The following CAPN13 variants were observed in gnomAD, a reference collection of about 807,000 sequenced individuals.
CAPN13 encodes calpain 13, also known as calpain-13.
A neutral mutation model predicts 98.4 loss-of-function variants in CAPN13; 90 were observed. The ratio of observed to expected loss-of-function variants is 0.92; its 90% confidence interval spans 0.77 to 1.09. CAPN13 has a LOEUF of 1.09. CAPN13 is among the 50% of genes least tolerant of loss of function. CAPN13 has a pLI of 0.00. For missense variants in CAPN13, 887 were observed against 841.3 expected, an observed-to-expected ratio of 1.05 and a Z score of -0.67; for synonymous variants, 330 against 305.5, an observed-to-expected ratio of 1.08 and a Z score of -0.84.
At chr2:30,734,019 A>T (rs1036358280) in intron 19 of CAPN13, among the ~76,000 whole-genome samples, 1 of 152,228 alleles carries the variant, frequency 6.6e-6, no homozygotes, top group Non-Finnish European at 1.5e-5. Flanking sequence ...TACTTGAAGC[A>T]GACAGATGCC....
chr2:30,756,098 G>A (rs142056040), intron 8 of CAPN13, among the ~76,000 whole-genome samples: 1 of 151,932 alleles, frequency 6.6e-6, no homozygotes, highest in Non-Finnish European at 1.5e-5. Context: ...AACAGAACAG[G>A]TTCTGCTAGA....
chr2:30,757,571 C>T (rs558146709), intron 8 of CAPN13, among the ~76,000 whole-genome samples: 26 of 152,310 alleles, frequency 1.7e-4, no homozygotes, highest in African/African-American at 6.3e-4. Flanking sequence ...TCCCCAACTG[C>T]CCCCAGTTAG....
chr2:30,805,050 T>G (rs532444497), intron 1 of CAPN13, among the ~76,000 whole-genome samples: 3 of 152,336 alleles, frequency 2.0e-5, no homozygotes, highest in African/African-American at 7.2e-5. Flanking sequence ...GTGGCTCTTC[T>G]GACCACTTCT....
chr2:30,772,822 C>CTT (rs34192316), intron 4 of CAPN13, among the ~76,000 whole-genome samples: 106 of 137,662 alleles, frequency 7.7e-4, no homozygotes, highest in African/African-American at 2.7e-3. Context: ...GAGAGCATTT[C>CTT]TTTTTTTTTT....
chr2:30,751,200 T>A lies in CAPN13; in HGVS notation c.1139A>T (p.Glu380Val). 3.1e-6 allele frequency: 5 copies of A among 1,613,984 alleles called. No homozygotes were observed. The highest frequency in any genetic ancestry group is 3.4e-6 in the Non-Finnish European group (4 of 1,179,878). The change falls in exon 11 of 23, where the codon GAA (glutamate) becomes GTA (valine). Residue 380 changes from glutamate to valine, a missense_variant. Coordinates refer to ENST00000295055, the MANE Select transcript of CAPN13 (RefSeq NM_144575.3). ...GACGCACACGACAACATTGGTGCCT[T>A]CCATTGGCTCTTGCACAGAGAAGTT... ...QFNFSVQEPM[E>V]GTNVVVCVTV...
chr2:30,777,469 G>C, intron 3 of CAPN13, 98 bp downstream of exon 3: 1 of 1,058,366 alleles, frequency 9.4e-7, no homozygotes, highest in Non-Finnish European at 1.4e-6. Flanking sequence ...CAAGGGAACT[G>C]GCCTTTCTCC....
chr2:30,775,273 T>C lies in CAPN13; in HGVS notation c.387+657A>G, dbSNP rs189018462. Among the ~76,000 whole-genome samples, 8 of 152,220 alleles carry C rather than the reference T, an allele frequency of 5.3e-5. No homozygotes were observed. In the East Asian group the frequency reaches 1.5e-3, roughly 29 times the overall value. On this transcript the variant is annotated intron_variant, in intron 4 of 22. Coordinates refer to ENST00000295055, the MANE Select transcript of CAPN13 (RefSeq NM_144575.3). ...TTACATGAGCCACAAAATCATAAAA[T>C]GTTTGAGAATGAATTAATCAAGAAA...
chr2:30,734,500 T>G lies in CAPN13; in HGVS notation c.1747A>C (p.Ser583Arg). Reference sequence around the variant, plus strand: ...TCCGAGCTCAGGAGGACTCCAGGGCTTGTCTGAACCTTCTGGAAAACATGC... The same window carrying G: ...TCCGAGCTCAGGAGGACTCCAGGGCGTGTCTGAACCTTCTGGAAAACATGC... ...YQHVFQKVQTSPGVLLSSDLW... is the reference protein window; with the variant it reads ...YQHVFQKVQTRPGVLLSSDLW... The change falls in exon 19 of 23, where the codon AGC becomes CGC. Residue 583 changes from serine (S) to arginine (R), a missense_variant. By Grantham distance (110) the Ser-to-Arg change is moderately radical. Coordinates refer to ENST00000295055, the MANE Select transcript of CAPN13 (RefSeq NM_144575.3). 6.2e-7 allele frequency: 1 copy of G among 1,613,914 alleles called. No individual in the cohort carries two copies. Among genetic ancestry groups the G allele is most frequent in the Non-Finnish European group, 8.5e-7 (1 of 1,179,824 alleles).
intron 1 of CAPN13, among the ~76,000 whole-genome samples, chr2:30,803,779 T>C (rs1208569712): frequency 6.6e-6 from 1 of 152,198 alleles, no homozygotes; most frequent in African/African-American, 2.4e-5. Context: ...AGTTTGTCTC[T>C]GAGGCAACAC....
intron 7 of CAPN13, 65 bp from the exon 8 acceptor site, chr2:30,758,202 A>G: frequency 3.3e-6 from 4 of 1,228,514 alleles, no homozygotes; most frequent in Non-Finnish European, 3.4e-6. Flanking sequence ...AGGGGGATGA[A>G]TGCAGCTGCT....
rs1249868995 is a variant in CAPN13 at position 30,775,928 on chromosome 2, A to T, written c.387+2T>A. On this transcript the variant is annotated splice_donor_variant, in intron 4 of 22. Transcript: ENST00000295055. LOFTEE classifies it high-confidence loss of function. ...TAATGAGCGCTGCAAGGGCACACGT[A>T]CCCGGAAACGGAAAATGCCAGCATA... is the stretch of plus-strand genomic sequence containing the variant. The T allele has an allele frequency of 6.2e-7, 1 of 1,605,746 alleles. No homozygotes were observed. The highest frequency in any genetic ancestry group is 1.3e-5 in the African/African-American group (1 of 74,772).
chr2:30,773,045 C>T (rs886104247), intron 4 of CAPN13, among the ~76,000 whole-genome samples: 19 of 152,170 alleles, frequency 1.2e-4, no homozygotes, highest in Middle Eastern at 3.4e-3. Flanking sequence ...AGGATGGCTT[C>T]GATCTCCTGA....
chr2:30,771,014 C>G (rs985404512), intron 4 of CAPN13, among the ~76,000 whole-genome samples: 8 of 152,206 alleles, frequency 5.3e-5, no homozygotes, highest in Non-Finnish European at 1.2e-4. Context: ...GCAGTGACAG[C>G]CTCCCTCTGG....
chr2:30,751,255 C>T lies in CAPN13; in HGVS notation c.1088-4G>A. On this transcript the variant is annotated splice_polypyrimidine_tract_variant and splice_region_variant and intron_variant, in intron 10 of 22. Transcript: ENST00000295055. The stretch of plus-strand genomic sequence containing the variant: ...TGAGCATCATTCCGAGGTCCTCCTG[C>T]ATCAGAAAGAGCTGTTACTAGAGCT... 3 of 1,613,670 alleles carry T rather than the reference C, an allele frequency of 1.9e-6. No homozygotes were observed. The highest frequency in any genetic ancestry group is 2.5e-6 in the Non-Finnish European group (3 of 1,179,688).
At chr2:30,791,809 A>G (rs1031592883) in intron 1 of CAPN13, among the ~76,000 whole-genome samples, 2 of 152,256 alleles carry the variant, frequency 1.3e-5, no homozygotes, top group Non-Finnish European at 2.9e-5. Flanking sequence ...AGGAGATTTA[A>G]ACCATGAAAT....
At chr2:30,800,488 T>G (rs1016154560) in intron 1 of CAPN13, among the ~76,000 whole-genome samples, 1 of 152,212 alleles carries the variant, frequency 6.6e-6, no homozygotes, top group Middle Eastern at 3.2e-3. Context: ...AGAGAAGGTT[T>G]GCCTGACAGA....
chr2:30,731,530 T>G, intron 20 of CAPN13, 131 bp from the exon 21 acceptor site: 4 of 704,264 alleles, frequency 5.7e-6, no homozygotes, highest in Non-Finnish European at 9.1e-6. Context: ...CTCCGCGGGG[T>G]GTGCCTGTCA....
chr2:30,797,523 G>A (rs1037909808), intron 1 of CAPN13, among the ~76,000 whole-genome samples: 22 of 152,126 alleles, frequency 1.4e-4, no homozygotes, highest in African/African-American at 4.3e-4. Flanking sequence ...AACCAGCCTC[G>A]TAGCAGCAGA....
chr2:30,777,673 GT>G lies in CAPN13; in HGVS notation c.199-35del, dbSNP rs535216973. ...AAGAGGGAGAAAAGCTATGAACATC[GT>G]TTATTCCTTTGTATCCCAAAGCGAC... On this transcript the variant is annotated intron_variant, in intron 2 of 22. Coordinates refer to ENST00000295055, the MANE Select transcript of CAPN13 (RefSeq NM_144575.3). The G allele has an allele frequency of 4.8e-4, 711 of 1,490,328 alleles. 4 individuals carry two copies. In the African/African-American group the frequency reaches 8.5e-3, roughly 18 times the overall value. The allele number at this position is 1,490,328 out of a possible 1,614,324, so 92.3% of individuals were successfully genotyped here.
Sources: gnomAD v4.1 joint callset for allele counts (sites outside exome capture counted in the v4.1 genomes callset) on GRCh38, gnomAD v4.1.1 for gene constraint, MANE v1.5 for transcripts, NCBI Gene and HGNC (gene_info 2026-07-23, HGNC 2026-07-21) for gene names.